FAM167A: variants seen among roughly 807,000 people sequenced by gnomAD.
FAM167A encodes the protein family with sequence similarity 167 member A, also known as protein FAM167A.
A neutral mutation model predicts 14.9 loss-of-function variants in FAM167A; 23 were observed. That is an observed-to-expected ratio of 1.55 (90% CI 1.11 to 2.19). The LOEUF (loss-of-function observed/expected upper bound fraction) is 2.19. Among genes scored for constraint, FAM167A ranks in the 30% most tolerant of loss-of-function variants. The pLI, the probability that FAM167A is intolerant of heterozygous loss-of-function variation, is 0.00. For synonymous variants in FAM167A, 174 were observed against 117.7 expected (o/e 1.48, Z -3.10); for missense variants, 401 against 281.5 (o/e 1.42, Z -3.04).
intron 1 of FAM167A, among the ~76,000 whole-genome samples, chr8:11,462,324 A>G (rs952120521): frequency 6.6e-6 from 1 of 152,120 alleles, no homozygotes; most frequent in Non-Finnish European, 1.5e-5. Context: ...AACAGATTCA[A>G]CCCTCCTAGG....
Position 11,421,914 on chromosome 8 carries a change from T to C in FAM167A, c.*2459A>G, listed in dbSNP as rs1039146518. On this transcript the variant is annotated 3_prime_UTR_variant, in exon 3 of 3. Transcript: ENST00000284486. ...CAGGGACTTCACAAAGCTGAATTAATGTGGTTAGTTGTGTTCACTGTGCAA... is the reference window on the plus strand; with the variant it reads ...CAGGGACTTCACAAAGCTGAATTAACGTGGTTAGTTGTGTTCACTGTGCAA... 2.5e-6 allele frequency: 1 copy of C among 398,304 alleles called. No individual in the cohort carries two copies. The highest frequency in any genetic ancestry group is 2.1e-5 in the African/African-American group (1 of 48,610). 24.7% of individuals were successfully genotyped at this position (398,304 alleles called of 1,614,324 possible).
chr8:11,456,612 G>T (rs973346625), intron 1 of FAM167A, among the ~76,000 whole-genome samples: 11 of 151,502 alleles, frequency 7.3e-5, no homozygotes, highest in South Asian at 6.2e-4. Flanking sequence ...TGCCCTGCTA[G>T]GTGTGTGAAT....
At position 11,444,016 on chromosome 8, in the gene FAM167A, G is replaced by T. The variant is rs775548596; in HGVS notation, c.381+15C>A. 1 of 1,598,388 alleles carries T rather than the reference G, an allele frequency of 6.3e-7. No individual in the cohort carries two copies. Among genetic ancestry groups the T allele is most frequent in the Non-Finnish European group, 8.5e-7 (1 of 1,171,588 alleles). ...ATCTCCTCTTTTCTGGGGATTCTTG[G>T]GGGCAGCCACTCACCAGTTCCTTCC... On this transcript the variant is annotated intron_variant, in intron 2 of 2. Coordinates refer to ENST00000284486, the MANE Select transcript of FAM167A (RefSeq NM_053279.3).
intron 1 of FAM167A, among the ~76,000 whole-genome samples, chr8:11,451,730 G>T (rs1038346074): frequency 1.2e-4 from 19 of 152,216 alleles, no homozygotes; most frequent in Admixed American, 1.2e-3. Context: ...CAGAGGAAGG[G>T]ATGGTTAGGG....
At chr8:11,431,614 T>TA (rs1659292209) in intron 2 of FAM167A, among the ~76,000 whole-genome samples, 1 of 152,204 alleles carries the variant, frequency 6.6e-6, no homozygotes, top group Admixed American at 6.5e-5. Context: ...GCCCAGGACC[T>TA]ACCTGGTTCT....
chr8:11,444,067 GCT>G lies in FAM167A; in HGVS notation c.343_344del (p.Ser115HisfsTer3), dbSNP rs1563375496. 1 of 1,613,500 alleles carries G rather than the reference GCT, an allele frequency of 6.2e-7. No homozygotes were observed. Among genetic ancestry groups the G allele is most frequent in the South Asian group, 1.1e-5 (1 of 91,084 alleles). ...TGAGCCAGGCTATAGCTTCATCGAT[GCT>G]CTGAAAGCCTTCCAGCTTGCCAGTG... ...LSTGKLEGFQ[S>X]IDEAIAWLRK... On this transcript the variant is annotated frameshift_variant, in exon 2 of 3. Transcript: ENST00000284486. LOFTEE classifies it high-confidence loss of function.
At position 11,421,515 on chromosome 8, in the gene FAM167A, A is replaced by G; in HGVS notation, c.*2858T>C. On this transcript the variant is annotated 3_prime_UTR_variant, in exon 3 of 3. Transcript: ENST00000284486. The stretch of plus-strand genomic sequence containing the variant: ...GGATATCTTCTTTTGAAGTATTTTT[A>G]TTTCACTTTTTCTAACAGCAATATA... The G allele has an allele frequency of 5.2e-6, 2 of 385,642 alleles. No homozygotes were observed. The highest frequency in any genetic ancestry group is 9.2e-6 in the Non-Finnish European group (2 of 218,348). The allele number at this position is 385,642 out of a possible 1,614,324, so 23.9% of individuals were successfully genotyped here.
At chr8:11,455,778 G>A (rs1326383215) in intron 1 of FAM167A, among the ~76,000 whole-genome samples, 1 of 149,944 alleles carries the variant, frequency 6.7e-6, no homozygotes, top group Admixed American at 6.6e-5. Flanking sequence ...ATTGGGGGTG[G>A]TTGCCCTGCT....
chr8:11,461,556 G>C (rs913366826), intron 1 of FAM167A, among the ~76,000 whole-genome samples: 1 of 152,228 alleles, frequency 6.6e-6, no homozygotes, highest in African/African-American at 2.4e-5. Flanking sequence ...ATACAAACAG[G>C]AAACACTTCC....
intron 2 of FAM167A, among the ~76,000 whole-genome samples, chr8:11,431,398 G>A (rs566741725): frequency 4.2e-4 from 64 of 152,352 alleles, no homozygotes; most frequent in Admixed American, 1.1e-3. Flanking sequence ...AGAGGGGATG[G>A]GGAGTTAGCG....
intron 2 of FAM167A, among the ~76,000 whole-genome samples, chr8:11,427,606 GC>G (rs1805270764): frequency 6.6e-6 from 1 of 152,202 alleles, no homozygotes; most frequent in African/African-American, 2.4e-5. Context: ...AGAGCACATT[GC>G]AGGGTAGAAA....
upstream of FAM167A, among the ~76,000 whole-genome samples, chr8:11,471,984 A>C (rs2117174841): frequency 6.6e-6 from 1 of 152,346 alleles, no homozygotes; most frequent in South Asian, 2.1e-4. Context: ...CAAGGATGCA[A>C]ATCAGAGCCT....
chr8:11,452,590 C>T (rs1585269218), intron 1 of FAM167A, among the ~76,000 whole-genome samples: 1 of 152,348 alleles, frequency 6.6e-6, no homozygotes, highest in East Asian at 1.9e-4. Context: ...TTCTCATCAT[C>T]AGCCTCCACC....
In FAM167A at chr8:11,435,841, A is replaced by C. The variant is rs527455721; in HGVS notation, c.381+8190T>G. On this transcript the variant is annotated intron_variant, in intron 2 of 2. Transcript: ENST00000284486. Reference sequence around the variant, plus strand: ...GCACACACTACTGATCATTTATGAGAATTAAATAAGCCCATATCCACACAC... The same window carrying C: ...GCACACACTACTGATCATTTATGAGCATTAAATAAGCCCATATCCACACAC... Among the ~76,000 whole-genome samples the C allele has an allele frequency of 1.2e-3, 181 of 152,366 alleles. 1 individual carries two copies. Among genetic ancestry groups the C allele is most frequent in the African/African-American group, 4.0e-3 (167 of 41,580 alleles).
At chr8:11,424,768 C>T (rs960504292) in intron 2 of FAM167A, 132 bp from the exon 3 acceptor site, 2 of 1,330,652 alleles carry the variant, frequency 1.5e-6, no homozygotes, top group East Asian at 2.5e-5. Context: ...TAGCACTTTC[C>T]CTGCTCAGGG....
chr8:11,445,531 G>A (rs142092092), intron 1 of FAM167A: 10,424 of 985,516 alleles, frequency 0.011, 70 homozygotes, highest in Non-Finnish European at 0.012. Context: ...GTTCTAGAAC[G>A]AGGCTTCTCG....
Position 11,422,640 on chromosome 8 carries a change from C to A in FAM167A, c.*1733G>T, listed in dbSNP as rs976374098. The A allele has an allele frequency of 3.3e-5, 5 of 152,208 alleles. No individual in the cohort carries two copies. Among genetic ancestry groups the A allele is most frequent in the Non-Finnish European group, 7.4e-5 (5 of 68,022 alleles). 9.4% of individuals were successfully genotyped at this position (152,208 alleles called of 1,614,324 possible). A position where few individuals can be genotyped will look rare whatever the true frequency, so the allele number is the denominator to read the frequency against. On this transcript the variant is annotated 3_prime_UTR_variant, in exon 3 of 3. Coordinates refer to ENST00000284486, the MANE Select transcript of FAM167A (RefSeq NM_053279.3). ...GCTCTTTGAAATTTTAAAAAAGAGA[C>A]CAAGTTCTTTTCTGTCTACTAGAGA...
intron 1 of FAM167A, among the ~76,000 whole-genome samples, chr8:11,473,657 T>C (rs1808032610): frequency 6.6e-6 from 1 of 152,186 alleles, no homozygotes; most frequent in African/African-American, 2.4e-5. Context: ...GTTCTATCTC[T>C]GGGTCTGCCC....
upstream of FAM167A, chr8:11,467,703 G>C (rs981776202): frequency 5.3e-5 from 8 of 152,332 alleles, no homozygotes; most frequent in Non-Finnish European, 8.8e-5. Context: ...GCGGCTGGTC[G>C]GGCCTTCTGT....
Sources: allele counts gnomAD v4.1 joint callset (sites outside exome capture counted in the v4.1 genomes callset), GRCh38; gene constraint gnomAD v4.1.1; transcripts MANE v1.5; gene names NCBI Gene and HGNC (gene_info 2026-07-23, HGNC 2026-07-21).